SRGAP1: variants seen among roughly 807,000 people sequenced by gnomAD.
SRGAP1 encodes the protein SLIT-ROBO Rho GTPase activating protein 1.
A neutral mutation model predicts 121.9 loss-of-function variants in SRGAP1; 43 were observed. The observed-to-expected ratio is 0.35, with a 90% CI of 0.28 to 0.46. The LOEUF is 0.46. SRGAP1 is among the 20% of genes least tolerant of loss of function. The pLI is 1.00. For synonymous variants in SRGAP1, 447 were observed against 485.4 expected (o/e 0.92, Z 1.04); for missense variants, 1,102 against 1,350.9 (o/e 0.82, Z 2.89).
In SRGAP1 at chr12:63,997,352, A is replaced by G. The variant is rs561124242; in HGVS notation, c.426+7280A>G. 2.1e-3 allele frequency among the ~76,000 whole-genome samples: 324 copies of G among 152,154 alleles called. 2 individuals carry two copies. Among genetic ancestry groups the G allele is most frequent in the African/African-American group, 7.5e-3 (311 of 41,528 alleles). ...ATACCATCTGGATTTGTGTAAGTACACTCTATGATGTTCACACAATGATGA... is the reference window on the plus strand; with the variant it reads ...ATACCATCTGGATTTGTGTAAGTACGCTCTATGATGTTCACACAATGATGA... On this transcript the variant is annotated intron_variant, in intron 3 of 21. Transcript: ENST00000355086.
chr12:64,063,751 G>A (rs1289413303), intron 7 of SRGAP1, among the ~76,000 whole-genome samples: 1 of 152,004 alleles, frequency 6.6e-6, no homozygotes, highest in East Asian at 1.9e-4. Context: ...TAGGGAGCAT[G>A]CTATATAGCA....
intron 21 of SRGAP1, 94 bp from the exon 22 acceptor site, chr12:64,142,201 G>C: frequency 2.2e-6 from 3 of 1,338,224 alleles, no homozygotes; most frequent in Non-Finnish European, 3.1e-6. Flanking sequence ...ATACTCTGCT[G>C]GGCCGTTTAC....
At chr12:63,884,513 G>A (rs1900305660) in intron 1 of SRGAP1, among the ~76,000 whole-genome samples, 3 of 152,024 alleles carry the variant, frequency 2.0e-5, no homozygotes, top group Admixed American at 1.3e-4. Context: ...AGCACCTTAT[G>A]TATTTATTGT....
At chr12:63,861,024 T>A (rs568185037) in intron 1 of SRGAP1, among the ~76,000 whole-genome samples, 1 of 151,980 alleles carries the variant, frequency 6.6e-6, no homozygotes, top group African/African-American at 2.4e-5. Context: ...CATGGGTCTT[T>A]ATTTGCTGAA....
At chr12:63,954,367 C>T (rs896640426) in intron 1 of SRGAP1, among the ~76,000 whole-genome samples, 2 of 152,068 alleles carry the variant, frequency 1.3e-5, no homozygotes, top group African/African-American at 2.4e-5. Context: ...ATGGAATTTT[C>T]CCCCATCTTT....
intron 1 of SRGAP1, among the ~76,000 whole-genome samples, chr12:63,945,936 C>G (rs543825244): frequency 6.6e-6 from 1 of 152,108 alleles, no homozygotes; most frequent in Non-Finnish European, 1.5e-5. Flanking sequence ...CTACCTAGTT[C>G]ACCCACACAT....
At chr12:63,951,642 ATTAAAC>A (rs1565966158) in intron 1 of SRGAP1, among the ~76,000 whole-genome samples, 1 of 152,210 alleles carries the variant, frequency 6.6e-6, no homozygotes, top group East Asian at 1.9e-4. Flanking sequence ...CAAGAAACAG[ATTAAAC>A]TTAAAGAGAA....
At chr12:63,925,950 A>AT (rs1247567410) in intron 1 of SRGAP1, among the ~76,000 whole-genome samples, 3 of 152,238 alleles carry the variant, frequency 2.0e-5, no homozygotes, top group Non-Finnish European at 4.4e-5. Flanking sequence ...GCCTAGAATG[A>AT]AAACCTTCAT....
intron 16 of SRGAP1, among the ~76,000 whole-genome samples, chr12:64,109,975 C>T (rs1332394632): frequency 6.6e-6 from 1 of 152,162 alleles, no homozygotes; most frequent in Non-Finnish European, 1.5e-5. Context: ...GAATGAGACT[C>T]TACTGCTGAC....
chr12:63,850,596 A>ATT (rs34957489), intron 1 of SRGAP1, among the ~76,000 whole-genome samples: 6 of 124,322 alleles, frequency 4.8e-5, no homozygotes, highest in Admixed American at 8.3e-5. Flanking sequence ...ATACCTGGCT[A>ATT]TTTTTTTTTT....
chr12:64,037,522 T>G (rs1167972421), intron 4 of SRGAP1, among the ~76,000 whole-genome samples: 2 of 152,248 alleles, frequency 1.3e-5, no homozygotes, highest in African/African-American at 4.8e-5. Context: ...CCAACACCTA[T>G]AGAATACATT....
At chr12:64,046,020 C>T (rs747679070) in intron 6 of SRGAP1, among the ~76,000 whole-genome samples, 3 of 152,060 alleles carry the variant, frequency 2.0e-5, no homozygotes, top group Non-Finnish European at 4.4e-5. Context: ...GATGGGGTGT[C>T]CAGGAAAAGC....
intron 1 of SRGAP1, among the ~76,000 whole-genome samples, chr12:63,855,636 C>T (rs886257903): frequency 1.3e-5 from 2 of 151,526 alleles, no homozygotes; most frequent in South Asian, 4.2e-4. Flanking sequence ...TACAGGCGTG[C>T]ACCACCACAC....
At position 64,161,895 on chromosome 12, in the gene SRGAP1, A is replaced by T. The variant is rs1243500665; in HGVS notation, c.*19223A>T. On this transcript the variant is annotated 3_prime_UTR_variant, in exon 22 of 22. Transcript: ENST00000355086. ...TACTATTCTGTAATGAAGATGGGAA[A>T]GAACGGAGTACTGATACACGCTACA... The T allele has an allele frequency of 6.6e-6, 1 of 152,272 alleles. No homozygotes were observed. The highest frequency in any genetic ancestry group is 2.4e-5 in the African/African-American group (1 of 41,474). The allele number at this position is 152,272 out of a possible 1,614,324, so 9.4% of individuals were successfully genotyped here. A position where few individuals can be genotyped will look rare whatever the true frequency, so the allele number is the denominator to read the frequency against.
At chr12:64,115,943 G>A (rs941680377) in intron 18 of SRGAP1, 50 bp downstream of exon 18, 3 of 1,489,434 alleles carry the variant, frequency 2.0e-6, no homozygotes, top group African/African-American at 2.8e-5. Flanking sequence ...TATCCCTATT[G>A]TAAACAATTG....
intron 1 of SRGAP1, among the ~76,000 whole-genome samples, chr12:63,958,926 G>A (rs1034749412): frequency 1.3e-5 from 2 of 152,144 alleles, no homozygotes; most frequent in African/African-American, 4.8e-5. Flanking sequence ...TTGAAGTTGG[G>A]TAATTGCTGT....
intron 1 of SRGAP1, among the ~76,000 whole-genome samples, chr12:63,868,078 TGTTTTTTTTTTTTTG>T (rs1440160674): frequency 0.016 from 1,312 of 80,658 alleles, 60 homozygotes; most frequent in East Asian, 0.058. Flanking sequence ...TTTTTTTTTT[TGTTTTTTTTTTTTTG>T]TTTTTTGAGA....
intron 4 of SRGAP1, among the ~76,000 whole-genome samples, chr12:64,038,043 G>A (rs2034936572): frequency 6.6e-6 from 1 of 152,104 alleles, no homozygotes; most frequent in South Asian, 2.1e-4. Context: ...CTGAAGCCAG[G>A]CTGTCTGGGT....
chr12:64,126,535 G>A (rs1465263218), intron 19 of SRGAP1, among the ~76,000 whole-genome samples: 10 of 152,198 alleles, frequency 6.6e-5, no homozygotes, highest in Non-Finnish European at 1.5e-4. Context: ...AAGTCAGAGG[G>A]AATCATTGCT....
Sources: allele counts gnomAD v4.1 joint callset (sites outside exome capture counted in the v4.1 genomes callset), GRCh38; gene constraint gnomAD v4.1.1; transcripts MANE v1.5; gene names NCBI Gene and HGNC (gene_info 2026-07-23, HGNC 2026-07-21).